Variants in SFMBT2 observed in about 807,000 individuals in gnomAD.
SFMBT2 encodes scm-like with four MBT domains protein 2.
In SFMBT2, 38 loss-of-function variants were observed where a neutral mutation model predicts 110.1. The observed-to-expected ratio is 0.35, with a 90% CI of 0.27 to 0.45. The LOEUF (loss-of-function observed/expected upper bound fraction) is 0.45, where lower values mean the gene tolerates loss of function less well. Ranked by LOEUF, SFMBT2 falls within the 20% of genes least tolerant of loss-of-function variation. The pLI is 1.00. For synonymous variants in SFMBT2, 425 were observed against 425.4 expected, an observed-to-expected ratio of 1.00 and a Z score of 0.01; for missense variants, 1,011 against 1,094.9, an observed-to-expected ratio of 0.92 and a Z score of 1.08.
intron 1 of SFMBT2, among the ~76,000 whole-genome samples, chr10:7,407,463 T>TC (rs1400421787): frequency 1.3e-5 from 2 of 151,966 alleles, no homozygotes; most frequent in Non-Finnish European, 2.9e-5. Context: ...TAAATTGGTT[T>TC]CCCACCAATG....
chr10:7,318,207 TCTCA>T (rs1349586774), intron 4 of SFMBT2, among the ~76,000 whole-genome samples: 1 of 152,228 alleles, frequency 6.6e-6, no homozygotes, highest in Non-Finnish European at 1.5e-5. Flanking sequence ...TCTTGCCTGT[TCTCA>T]CTGATATTCT....
intron 11 of SFMBT2, among the ~76,000 whole-genome samples, chr10:7,217,603 G>T (rs1021532285): frequency 3.3e-5 from 5 of 152,268 alleles, no homozygotes; most frequent in African/African-American, 1.2e-4. Context: ...AAAGAGCTAG[G>T]AGAGCATACC....
intron 4 of SFMBT2, among the ~76,000 whole-genome samples, chr10:7,297,561 G>A (rs931707474): frequency 2.6e-5 from 4 of 152,172 alleles, no homozygotes; most frequent in Non-Finnish European, 4.4e-5. Context: ...AGAAGCAGGA[G>A]GAGGATGAGG....
At chr10:7,271,378 G>A (rs1841577503) in intron 7 of SFMBT2, among the ~76,000 whole-genome samples, 1 of 151,726 alleles carries the variant, frequency 6.6e-6, no homozygotes, top group Admixed American at 6.6e-5. Flanking sequence ...TATTTAATGA[G>A]TGCTACTATG....
intron 4 of SFMBT2, among the ~76,000 whole-genome samples, chr10:7,355,537 T>A (rs1844477607): frequency 6.6e-6 from 1 of 152,228 alleles, no homozygotes; most frequent in South Asian, 2.1e-4. Flanking sequence ...TAAAACAAAG[T>A]TAATTTTGTT....
At chr10:7,216,056 C>A (rs1309368282) in intron 11 of SFMBT2, among the ~76,000 whole-genome samples, 1 of 152,218 alleles carries the variant, frequency 6.6e-6, no homozygotes, top group Non-Finnish European at 1.5e-5. Context: ...ATAAGTAACA[C>A]CATGATTGCC....
Position 7,370,401 on chromosome 10 carries a change from A to T in SFMBT2, c.101-26T>A, listed in dbSNP as rs757269501. The T allele has an allele frequency of 3.2e-6, 5 of 1,586,404 alleles. No homozygotes were observed. In the East Asian group the frequency reaches 1.1e-4, roughly 35 times the overall value. ...CTGTTGAAAAACAAAAGAACAGAAT[A>T]TCAATACTGGAGTGGAGGACAGAAA... On this transcript the variant is annotated intron_variant, in intron 2 of 20. Transcript: ENST00000397167.
At chr10:7,246,318 A>T (rs1840606901) in intron 8 of SFMBT2, 1 of 231,234 alleles carries the variant, frequency 4.3e-6, no homozygotes, top group Middle Eastern at 2.1e-3. Context: ...CTGGAAGTCT[A>T]TTCAGCTAGA....
At chr10:7,218,520 C>T (rs1042701183) in intron 11 of SFMBT2, among the ~76,000 whole-genome samples, 4 of 152,176 alleles carry the variant, frequency 2.6e-5, no homozygotes, top group African/African-American at 9.7e-5. Context: ...AGACTGTTTA[C>T]AAACACTTTT....
chr10:7,334,968 G>A (rs1843672535), intron 4 of SFMBT2, among the ~76,000 whole-genome samples: 1 of 152,224 alleles, frequency 6.6e-6, no homozygotes, highest in South Asian at 2.1e-4. Context: ...AGAAGCTAGG[G>A]AGGAATTGAG....
chr10:7,360,405 TGCAGTGA>T (rs758510361), intron 4 of SFMBT2, among the ~76,000 whole-genome samples: 9 of 152,138 alleles, frequency 5.9e-5, no homozygotes, highest in Non-Finnish European at 1.0e-4. Flanking sequence ...AGGCAGAGGT[TGCAGTGA>T]GCCAAAATTA....
At chr10:7,177,909 G>A (rs1355284809) in intron 16 of SFMBT2, among the ~76,000 whole-genome samples, 1 of 152,044 alleles carries the variant, frequency 6.6e-6, no homozygotes, top group Non-Finnish European at 1.5e-5. Flanking sequence ...CACCAGGGGT[G>A]TACATGCACA....
At position 7,162,671 on chromosome 10, in the gene SFMBT2, A is replaced by G. The variant is rs12245240; in HGVS notation, c.*1099T>C. On this transcript the variant is annotated 3_prime_UTR_variant, in exon 21 of 21. Coordinates refer to ENST00000397167, the MANE Select transcript of SFMBT2 (RefSeq NM_001387889.1). ...TCTCTGAAACTAAGCTTTTCCTTTG[A>G]TATATAATCCAACATTTGCCTAAAA... 3.8e-4 allele frequency: 58 copies of G among 152,266 alleles called. No individual in the cohort carries two copies. Among genetic ancestry groups the G allele is most frequent in the African/African-American group, 1.4e-3 (58 of 41,504 alleles). 9.4% of individuals were successfully genotyped at this position (152,266 alleles called of 1,614,324 possible).
At chr10:7,332,913 C>A (rs905435476) in intron 4 of SFMBT2, among the ~76,000 whole-genome samples, 1 of 152,182 alleles carries the variant, frequency 6.6e-6, no homozygotes, top group Non-Finnish European at 1.5e-5. Flanking sequence ...GTTGCCTAGG[C>A]GGGAGTGCAG....
chr10:7,232,622 T>C (rs1053377108), intron 9 of SFMBT2, among the ~76,000 whole-genome samples: 3 of 152,210 alleles, frequency 2.0e-5, no homozygotes, highest in Non-Finnish European at 2.9e-5. Flanking sequence ...ATATAAAATA[T>C]GCAAAGATGA....
Position 7,204,605 on chromosome 10 carries a change from G to A in SFMBT2, c.1444+1210C>T, listed in dbSNP as rs934725288. The A allele has an allele frequency of 1.2e-5, 8 of 647,350 alleles. No homozygotes were observed. The South Asian group carries it at 2.0e-4, about 16-fold the overall frequency. 40.1% of individuals were successfully genotyped at this position (647,350 alleles called of 1,614,324 possible). A position where few individuals can be genotyped will look rare whatever the true frequency, so the allele number is the denominator to read the frequency against. On this transcript the variant is annotated intron_variant, in intron 12 of 20. Coordinates refer to ENST00000397167, the MANE Select transcript of SFMBT2 (RefSeq NM_001387889.1). ...TGTTAAAACACACTATTAGCCAGGC[G>A]TGGCCAAAGTGTAATTCCAGCACTT...
intron 20 of SFMBT2, chr10:7,164,359 C>G: frequency 3.2e-6 from 3 of 923,936 alleles, no homozygotes; most frequent in Non-Finnish European, 3.9e-6. Context: ...GCCCTCCAGC[C>G]TGGGCAACAC....
intron 4 of SFMBT2, among the ~76,000 whole-genome samples, chr10:7,361,600 A>G (rs1844720985): frequency 6.6e-6 from 1 of 152,258 alleles, no homozygotes; most frequent in Non-Finnish European, 1.5e-5. Context: ...TGAGTTGTAT[A>G]TTAACTAACT....
intron 20 of SFMBT2, chr10:7,164,135 C>G: frequency 1.0e-6 from 1 of 984,748 alleles, no homozygotes; most frequent in Non-Finnish European, 1.2e-6. Context: ...GCCTATAATT[C>G]CAGCACTTTG....
Sources: allele counts gnomAD v4.1 joint callset (sites outside exome capture counted in the v4.1 genomes callset), GRCh38; gene constraint gnomAD v4.1.1; transcripts MANE v1.5; gene names NCBI Gene and HGNC (gene_info 2026-07-23, HGNC 2026-07-21).